The following NDRG4 variants were observed in gnomAD, a reference collection of about 807,000 sequenced individuals.
NDRG4 encodes protein NDRG4.
A neutral mutation model predicts 55.8 loss-of-function variants in NDRG4; 38 were observed. The ratio of observed to expected loss-of-function variants is 0.68; its 90% CI spans 0.53 to 0.89. NDRG4 has a LOEUF of 0.89. Ranked by LOEUF, NDRG4 falls within the 40% of genes least tolerant of loss-of-function variation. The pLI, the probability that NDRG4 is intolerant of heterozygous loss-of-function variation, is 0.00. For missense variants in NDRG4, 455 were observed against 468.6 expected (o/e 0.97, Z 0.27); for synonymous variants, 190 against 182.7 (o/e 1.04, Z -0.32).
chr16:58,505,915 C>T (rs1937658232), intron 5 of NDRG4: 2 of 253,256 alleles, frequency 7.9e-6, no homozygotes, highest in Middle Eastern at 2.7e-3. Flanking sequence ...AGAGACAGGG[C>T]TTCACCATGT....
Position 58,511,688 on chromosome 16 carries a change from C to A in NDRG4, c.*112C>A. 7.3e-7 allele frequency: 1 copy of A among 1,360,940 alleles called. No individual in the cohort carries two copies. Among genetic ancestry groups the A allele is most frequent in the Non-Finnish European group, 1.0e-6 (1 of 959,506 alleles). The allele number at this position is 1,360,940 out of a possible 1,614,324, so 84.3% of individuals were successfully genotyped here. On this transcript the variant is annotated 3_prime_UTR_variant, in exon 15 of 15. Coordinates refer to ENST00000570248, the MANE Select transcript of NDRG4 (RefSeq NM_001242835.2). ...AGGGCAAAGGGGAGGAAATGGGGTT[C>A]TGTTTGAAAAAAATGAGGGGATCTT... is the stretch of plus-strand genomic sequence containing the variant.
At chr16:58,473,077 G>A (rs774222009) in intron 1 of NDRG4, among the ~76,000 whole-genome samples, 120 of 152,252 alleles carry the variant, frequency 7.9e-4, no homozygotes, top group Admixed American at 1.8e-3. Flanking sequence ...CCAAGGTTCT[G>A]AAGTACAAAT....
chr16:58,465,925 A>G (rs1320657078), intron 1 of NDRG4, among the ~76,000 whole-genome samples: 1 of 152,180 alleles, frequency 6.6e-6, no homozygotes, highest in Non-Finnish European at 1.5e-5. Flanking sequence ...CACTTGAGGC[A>G]GGCCCAGCTC....
At chr16:58,488,434 C>T (rs540492772) in intron 2 of NDRG4, among the ~76,000 whole-genome samples, 1 of 152,318 alleles carries the variant, frequency 6.6e-6, no homozygotes, top group East Asian at 1.9e-4. Context: ...ACACCCTGTC[C>T]ACCTTCCCTT....
chr16:58,468,636 G>T (rs1278063282), intron 1 of NDRG4, among the ~76,000 whole-genome samples: 1 of 152,174 alleles, frequency 6.6e-6, no homozygotes, highest in Non-Finnish European at 1.5e-5. Context: ...CAGGAGAATT[G>T]CTTGAACCTG....
chr16:58,505,152 A>T (rs1301809489), intron 5 of NDRG4, among the ~76,000 whole-genome samples: 3 of 152,180 alleles, frequency 2.0e-5, no homozygotes, highest in Non-Finnish European at 4.4e-5. Flanking sequence ...GATCAAGACC[A>T]TCCTGGCTAA....
intron 2 of NDRG4, among the ~76,000 whole-genome samples, chr16:58,493,112 G>A (rs2151721737): frequency 6.6e-6 from 1 of 152,280 alleles, no homozygotes; most frequent in African/African-American, 2.4e-5. Context: ...CTTATTTTGG[G>A]AAAAATGGCA....
chr16:58,467,910 C>T (rs143561878), intron 1 of NDRG4, among the ~76,000 whole-genome samples: 138 of 152,306 alleles, frequency 9.1e-4, no homozygotes, highest in African/African-American at 3.2e-3. Context: ...GGCTCCTTCT[C>T]CTCCCACTGT....
chr16:58,493,183 G>T (rs1212853406), intron 2 of NDRG4, among the ~76,000 whole-genome samples: 1 of 152,200 alleles, frequency 6.6e-6, no homozygotes, highest in Non-Finnish European at 1.5e-5. Flanking sequence ...TTTCCTCCTT[G>T]TACTTACCTA....
rs145248603 is a variant in NDRG4 at position 58,469,526 on chromosome 16, G to A, written c.-24+5729G>A. Among the ~76,000 whole-genome samples the A allele has an allele frequency of 3.8e-3, 583 of 152,244 alleles. 6 individuals are homozygous for A. Among genetic ancestry groups the A allele is most frequent in the African/African-American group, 0.013 (525 of 41,524 alleles). ...AGGAACAAATAAAGATGTGTGCAAA[G>A]GTGTTTGTTCAAGGATAGTTATCCC... On this transcript the variant is annotated intron_variant, in intron 1 of 15. Coordinates refer to the NDRG4 transcript ENST00000258187.
intron 1 of NDRG4, chr16:58,501,238 C>T (rs748709393): frequency 4.9e-6 from 2 of 411,750 alleles, no homozygotes; most frequent in Middle Eastern, 6.1e-4. Context: ...AGACCCTGTC[C>T]CCTGAATTAT....
At chr16:58,478,009 A>G (rs1336663442) in intron 1 of NDRG4, among the ~76,000 whole-genome samples, 1 of 152,214 alleles carries the variant, frequency 6.6e-6, no homozygotes, top group Non-Finnish European at 1.5e-5. Context: ...CTTGCCAAAA[A>G]TGTATAACCT....
chr16:58,472,846 G>A (rs1292130647), intron 1 of NDRG4, among the ~76,000 whole-genome samples: 1 of 152,092 alleles, frequency 6.6e-6, no homozygotes, highest in African/African-American at 2.4e-5. Flanking sequence ...AAGGATTCCA[G>A]TAAAGGCCTT....
rs2038801281 is a variant in NDRG4 at position 58,511,512 on chromosome 16, G to A, written c.995G>A (p.Cys332Tyr). ...GTGGATGGCAGCCGCCCACAGGCCT[G>A]CACCCACTCAGAGAGCAGCGAGGGG... ...SSVDGSRPQA[C>Y]THSESSEGLG... The change falls in exon 15 of 15, where the codon TGC becomes TAC. Residue 332 changes from cysteine to tyrosine, a missense_variant. Coordinates refer to ENST00000570248, the MANE Select transcript of NDRG4 (RefSeq NM_001242835.2). 6.2e-7 allele frequency: 1 copy of A among 1,613,020 alleles called. No individual in the cohort carries two copies. The highest frequency in any genetic ancestry group is 1.1e-5 in the South Asian group (1 of 91,086).
In NDRG4 at chr16:58,500,143, A is replaced by G. The variant is rs908748224; in HGVS notation, c.-106A>G. The G allele has an allele frequency of 6.5e-7, 1 of 1,534,824 alleles. No homozygotes were observed. The highest frequency in any genetic ancestry group is 1.4e-5 in the African/African-American group (1 of 72,998). ...AATGGCCCAGGAGCTGTGCCCCATC[A>G]CAGAGCCGACCATCTCCCACTCGAG... On this transcript the variant is annotated 5_prime_UTR_variant, in exon 1 of 15. Coordinates refer to ENST00000570248, the MANE Select transcript of NDRG4 (RefSeq NM_001242835.2).
At chr16:58,489,596 C>T (rs1351784282) in intron 2 of NDRG4, among the ~76,000 whole-genome samples, 4 of 152,044 alleles carry the variant, frequency 2.6e-5, no homozygotes, top group Non-Finnish European at 5.9e-5. Flanking sequence ...GGCCGTGTCA[C>T]TTAGCCTGGT....
intron 1 of NDRG4, chr16:58,500,549 C>T (rs1053162316): frequency 3.6e-5 from 20 of 559,976 alleles, no homozygotes; most frequent in African/African-American, 2.9e-4. Context: ...GGAAATGGAA[C>T]GTGGAAGGCA....
At position 58,464,063 on chromosome 16, in the gene NDRG4, C is replaced by T. The variant is rs1366448929; in HGVS notation, c.-24+266C>T. 4 of 214,506 alleles carry T rather than the reference C, an allele frequency of 1.9e-5. No individual in the cohort carries two copies. In the East Asian group the frequency reaches 3.8e-4, roughly 20 times the overall value. The allele number at this position is 214,506 out of a possible 1,614,324, so 13.3% of individuals were successfully genotyped here. On this transcript the variant is annotated intron_variant, in intron 1 of 15. Transcript: ENST00000258187. This position sits in a 1 kb window ranked among gnomAD's most constrained non-coding sequence, Gnocchi z 4.8. ...CCCCCAGCCGCCGTCCGCGACCCCC[C>T]ACCGCGACGCCCGGAGGCGGCGGGG...
downstream of NDRG4, among the ~76,000 whole-genome samples, chr16:58,513,829 G>A (rs1277214678): frequency 9.2e-5 from 14 of 152,064 alleles, no homozygotes; most frequent in African/African-American, 2.7e-4. Flanking sequence ...ATGGTGGCGC[G>A]TGCCTGTAAT....
Sources: gnomAD v4.1 joint callset for allele counts (sites outside exome capture counted in the v4.1 genomes callset) on GRCh38, gnomAD v4.1.1 for gene constraint, Gnocchi (gnomAD v3.1) non-coding constraint, MANE v1.5 for transcripts, NCBI Gene and HGNC (gene_info 2026-07-23, HGNC 2026-07-21) for gene names.